Variants in IPO11 observed in about 807,000 individuals in gnomAD.
IPO11 encodes importin-11.
IPO11 carries 66 observed loss-of-function variants against 143.2 expected under a neutral mutation model. The observed-to-expected ratio is 0.46, with a 90% CI of 0.38 to 0.57. The LOEUF (loss-of-function observed/expected upper bound fraction) is 0.57, where lower values mean the gene tolerates loss of function less well. IPO11 is among the 20% of genes least tolerant of loss of function. The probability of loss-of-function intolerance (pLI) is 0.00; values close to 1 mark genes in which losing one functional copy is unlikely to be tolerated. For synonymous variants in IPO11, 385 were observed against 377.8 expected (o/e 1.02, Z -0.22); for missense variants, 1,026 against 1,141.0 (o/e 0.90, Z 1.45).
intron 27 of IPO11, chr5:62,579,673 G>T: frequency 1.9e-6 from 3 of 1,546,768 alleles, no homozygotes; most frequent in South Asian, 1.2e-5. Flanking sequence ...AAATGAAAGT[G>T]AATTAACAGG....
At chr5:62,601,303 C>T (rs879585959) in intron 28 of IPO11, 3 of 152,612 alleles carry the variant, frequency 2.0e-5, no homozygotes, top group Non-Finnish European at 2.9e-5. Flanking sequence ...CCTCATAGCA[C>T]AGTCATGTCA....
intron 21 of IPO11, among the ~76,000 whole-genome samples, chr5:62,528,573 T>C (rs1742442623): frequency 6.6e-6 from 1 of 151,874 alleles, no homozygotes; most frequent in Non-Finnish European, 1.5e-5. Flanking sequence ...AGAGCTCAAG[T>C]GGAGGGGGTT....
chr5:62,479,399 C>T (rs780496826), intron 9 of IPO11, among the ~76,000 whole-genome samples: 4 of 152,282 alleles, frequency 2.6e-5, no homozygotes, highest in African/African-American at 4.8e-5. Context: ...AATAAACATA[C>T]GTGTGCCTGT....
intron 1 of IPO11, among the ~76,000 whole-genome samples, chr5:62,420,642 C>T (rs1274011062): frequency 5.3e-5 from 8 of 151,352 alleles, no homozygotes; most frequent in Admixed American, 6.6e-5. Context: ...TGCAGTGGCA[C>T]GATCGTGGCT....
intron 1 of IPO11, among the ~76,000 whole-genome samples, chr5:62,434,548 C>T (rs1184260130): frequency 6.6e-6 from 1 of 152,100 alleles, no homozygotes; most frequent in Non-Finnish European, 1.5e-5. Context: ...GATCTGTCTG[C>T]CTCAGCCTCC....
At chr5:62,597,631 T>G (rs1262170433) in intron 28 of IPO11, among the ~76,000 whole-genome samples, 1 of 152,234 alleles carries the variant, frequency 6.6e-6, no homozygotes, top group Admixed American at 6.5e-5. Flanking sequence ...CCAGTTAGGT[T>G]ACACTTTACT....
intron 5 of IPO11, among the ~76,000 whole-genome samples, chr5:62,454,261 G>T (rs1454088488): frequency 1.3e-5 from 2 of 152,178 alleles, no homozygotes; most frequent in African/African-American, 4.8e-5. Flanking sequence ...GATTTCTAGC[G>T]AGGACTAAGG....
rs373466825 is a variant in IPO11 at position 62,474,520 on chromosome 5, TATTC to T, written c.757+64_757+67del. The stretch of plus-strand genomic sequence containing the variant: ...GTAGAATTTTTATTCATTAGTAGCT[TATTC>T]ATTCATTAATAGCTAGGATTAATGA... On this transcript the variant is annotated intron_variant, in intron 8 of 29. Coordinates refer to ENST00000325324, the MANE Select transcript of IPO11 (RefSeq NM_016338.5). 2.7e-4 allele frequency: 320 copies of T among 1,189,304 alleles called. 1 individual carries two copies. In the African/African-American group the frequency reaches 3.0e-3, roughly 11 times the overall value. The allele number at this position is 1,189,304 out of a possible 1,614,324, so 73.7% of individuals were successfully genotyped here. A position where few individuals can be genotyped will look rare whatever the true frequency, so the allele number is the denominator to read the frequency against.
At position 62,616,544 on chromosome 5, in the gene IPO11, A is replaced by AC. The variant is rs1459229221; in HGVS notation, c.2764-10606dup. On this transcript the variant is annotated intron_variant, in intron 29 of 29. Coordinates refer to ENST00000325324, the MANE Select transcript of IPO11 (RefSeq NM_016338.5). ...AGACCAGCCTGGCCACCATGGTGTG[A>AC]CCCCATCTATACTAAAAATACAAAA... Among the ~76,000 whole-genome samples the AC allele has an allele frequency of 2.6e-5, 4 of 151,786 alleles. 1 individual carries two copies. The highest frequency in any genetic ancestry group is 5.9e-5 in the Non-Finnish European group (4 of 67,954).
chr5:62,555,094 G>A (rs1743525772), intron 26 of IPO11, among the ~76,000 whole-genome samples: 1 of 152,022 alleles, frequency 6.6e-6, no homozygotes, highest in East Asian at 1.9e-4. Flanking sequence ...GGCTATTTGG[G>A]ATTTTTTTAT....
At chr5:62,561,289 T>TTCGGCCGGGCGCAGTGGC (rs753251512) in intron 27 of IPO11, 32 bp downstream of exon 27, 1 of 1,220,820 alleles carries the variant, frequency 8.2e-7, no homozygotes, top group South Asian at 1.6e-5. Flanking sequence ...ATTTGTTTCT[T>TTCGGCCGGGCGCAGTGGC]TCAAGCATCA....
chr5:62,462,673 G>T (rs1456069731), intron 5 of IPO11, among the ~76,000 whole-genome samples: 1 of 152,170 alleles, frequency 6.6e-6, no homozygotes, highest in Non-Finnish European at 1.5e-5. Context: ...TGGGATTACA[G>T]GCATGAGCCA....
At position 62,601,847 on chromosome 5, in the gene IPO11, T is replaced by C; in HGVS notation, c.2762T>C (p.Met921Thr). 6.4e-7 allele frequency: 1 copy of C among 1,566,228 alleles called. No individual in the cohort carries two copies. Among genetic ancestry groups the C allele is most frequent in the Non-Finnish European group, 8.7e-7 (1 of 1,155,746 alleles). Reference sequence around the variant, plus strand: ...ACAGAACAAGATAAGAGGAAAAAGATGGTAAGTTATAAAAGTAGCTTGTAA... The same window carrying C: ...ACAGAACAAGATAAGAGGAAAAAGACGGTAAGTTATAAAAGTAGCTTGTAA... ...PPTEQDKRKK[M>T]LALKDPVHTV... The change falls in exon 29 of 30, where the codon ATG becomes ACG. Residue 921 changes from methionine (M) to threonine (T), a missense_variant and splice_region_variant. Physicochemically the swap from Met to Thr is moderately conservative, Grantham distance 81. This residue lies in a region of IPO11 where 351 missense variants were observed against 358.9 expected (regional missense o/e 0.98). Coordinates refer to ENST00000325324, the MANE Select transcript of IPO11 (RefSeq NM_016338.5).
At chr5:62,419,066 T>C in intron 1 of IPO11, 1 of 1,551,254 alleles carries the variant, frequency 6.4e-7, no homozygotes. Context: ...TTATTGTATC[T>C]AGGCTATAAG....
At chr5:62,595,984 C>T (rs1025494537) in intron 28 of IPO11, among the ~76,000 whole-genome samples, 12 of 151,326 alleles carry the variant, frequency 7.9e-5, no homozygotes, top group African/African-American at 2.7e-4. Flanking sequence ...AGTGGCCCGG[C>T]GCGGTGGCTC....
intron 24 of IPO11, among the ~76,000 whole-genome samples, chr5:62,546,128 G>A (rs1743167317): frequency 6.6e-6 from 1 of 152,156 alleles, no homozygotes; most frequent in African/African-American, 2.4e-5. Flanking sequence ...ATATCATGCT[G>A]CTATAAAGAC....
chr5:62,458,454 C>A (rs1474578218), intron 5 of IPO11, among the ~76,000 whole-genome samples: 1 of 152,170 alleles, frequency 6.6e-6, no homozygotes, highest in African/African-American at 2.4e-5. Context: ...GTGCATGCCG[C>A]TATGCCCGGC....
chr5:62,544,619 A>G (rs1053181535), intron 24 of IPO11, among the ~76,000 whole-genome samples: 2 of 152,178 alleles, frequency 1.3e-5, no homozygotes, highest in Non-Finnish European at 2.9e-5. Context: ...GGTAGGAGAA[A>G]GAAATCAATG....
chr5:62,494,214 A>G, intron 16 of IPO11, 90 bp downstream of exon 16: 1 of 1,168,208 alleles, frequency 8.6e-7, no homozygotes, highest in Non-Finnish European at 1.2e-6. Flanking sequence ...TCTTTTCTTT[A>G]TGATGTTTAT....
Sources: allele counts gnomAD v4.1 joint callset (sites outside exome capture counted in the v4.1 genomes callset), GRCh38; gene constraint gnomAD v4.1.1; regional missense constraint gnomAD v4.1.1; transcripts MANE v1.5; gene names NCBI Gene and HGNC (gene_info 2026-07-23, HGNC 2026-07-21).